Variants in TEP1 observed in about 807,000 individuals in gnomAD.
TEP1 encodes the protein telomerase protein component 1.
A neutral mutation model predicts 306.3 loss-of-function variants in TEP1; 241 were observed. That is an observed-to-expected ratio of 0.79 (90% CI 0.71 to 0.88). The LOEUF is 0.88. TEP1 is among the 40% of genes least tolerant of loss of function. TEP1 has a pLI of 0.00. For missense variants in TEP1, 3,051 were observed against 3,276.1 expected (o/e 0.93, Z 1.68); for synonymous variants, 1,289 against 1,305.5 (o/e 0.99, Z 0.27).
intron 13 of TEP1, among the ~76,000 whole-genome samples, chr14:20,391,340 ATT>A (rs1220036489): frequency 6.6e-6 from 1 of 152,184 alleles, no homozygotes; most frequent in Non-Finnish European, 1.5e-5. Flanking sequence ...AGTGAGACAT[ATT>A]TTGGTGATGC....
intron 16 of TEP1, 32 bp from the exon 17 acceptor site, chr14:20,389,329 A>G: frequency 6.2e-7 from 1 of 1,610,946 alleles, no homozygotes; most frequent in Non-Finnish European, 8.5e-7. Flanking sequence ...ATTAACCATC[A>G]CAAACAATAC....
intron 5 of TEP1, 62 bp from the exon 6 acceptor site, chr14:20,403,946 C>A (rs558681616): frequency 6.2e-7 from 1 of 1,606,678 alleles, no homozygotes; most frequent in East Asian, 2.2e-5. Context: ...CAAAACAAAA[C>A]GAGATCACTT....
intron 7 of TEP1, among the ~76,000 whole-genome samples, chr14:20,403,033 T>G (rs1283583268): frequency 3.9e-5 from 6 of 151,990 alleles, no homozygotes; most frequent in Non-Finnish European, 7.4e-5. Flanking sequence ...GGCACACGCC[T>G]GTAGTCCCAG....
chr14:20,407,224 T>C (rs1374579955), intron 2 of TEP1, among the ~76,000 whole-genome samples: 1 of 152,250 alleles, frequency 6.6e-6, no homozygotes, highest in African/African-American at 2.4e-5. Context: ...CTGATAGGGC[T>C]GTTGGAAAAT....
intron 44 of TEP1, among the ~76,000 whole-genome samples, chr14:20,374,021 C>G (rs1885025377): frequency 6.6e-6 from 1 of 152,046 alleles, no homozygotes; most frequent in South Asian, 2.1e-4. Flanking sequence ...ATGCTCTCCT[C>G]TCTCCCTTTA....
intron 41 of TEP1, 79 bp downstream of exon 41, chr14:20,377,201 G>A (rs1198769651): frequency 1.6e-6 from 2 of 1,218,066 alleles, no homozygotes; most frequent in South Asian, 1.6e-5. Flanking sequence ...GGCAACAAGA[G>A]TGAAGCTCTG....
chr14:20,388,425 T>C (rs1461462206), intron 17 of TEP1, among the ~76,000 whole-genome samples: 3 of 152,114 alleles, frequency 2.0e-5, no homozygotes, highest in African/African-American at 7.2e-5. Context: ...GGAATGTGCC[T>C]GAGGCTTTCT....
At position 20,378,612 on chromosome 14, in the gene TEP1, C is replaced by A. The variant is rs1231472427; in HGVS notation, c.5353-77G>T. 13 of 1,602,100 alleles carry A rather than the reference C, an allele frequency of 8.1e-6. No homozygotes were observed. In the East Asian group the frequency reaches 1.6e-4, roughly 19 times the overall value. On this transcript the variant is annotated intron_variant, in intron 37 of 54. Coordinates refer to ENST00000262715, the MANE Select transcript of TEP1 (RefSeq NM_007110.5). ...CTCAGTCCCAGACCTCCAGGAGCAA[C>A]CTTGTCCAGTTACCCTGCCCTCAGC...
chr14:20,392,069 T>C (rs915350343), intron 12 of TEP1, among the ~76,000 whole-genome samples: 8 of 152,236 alleles, frequency 5.3e-5, no homozygotes, highest in Non-Finnish European at 1.2e-4. Flanking sequence ...ATTCAATGGC[T>C]ACATAGTTTT....
intron 2 of TEP1, among the ~76,000 whole-genome samples, chr14:20,407,249 A>C (rs1223685106): frequency 3.9e-5 from 6 of 152,250 alleles, no homozygotes; most frequent in Non-Finnish European, 8.8e-5. Flanking sequence ...TAGCAGATGT[A>C]TCTCATGCCT....
At chr14:20,393,432 C>T (rs887890889) in intron 12 of TEP1, among the ~76,000 whole-genome samples, 1 of 152,128 alleles carries the variant, frequency 6.6e-6, no homozygotes, top group Admixed American at 6.5e-5. Flanking sequence ...AAATTATACA[C>T]ATATAATTTT....
chr14:20,390,829 T>C, intron 14 of TEP1, 71 bp from the exon 15 acceptor site: 1 of 1,613,218 alleles, frequency 6.2e-7, no homozygotes. Flanking sequence ...GCAGTCTGCT[T>C]GGGAAATCTT....
At position 20,381,871 on chromosome 14, in the gene TEP1, G is replaced by A; in HGVS notation, c.4424+42C>T. On this transcript the variant is annotated intron_variant, in intron 30 of 54. Coordinates refer to ENST00000262715, the MANE Select transcript of TEP1 (RefSeq NM_007110.5). The surrounding 1 kb of genome is among the most constrained non-coding windows in gnomAD (Gnocchi z 4.0). ...GAGGGCCCCGGCTCAAAGAAGGGAAGGCACAGAGAGGTCAGCGGGAGCTCT... is the reference window on the plus strand; with the variant it reads ...GAGGGCCCCGGCTCAAAGAAGGGAAAGCACAGAGAGGTCAGCGGGAGCTCT... 1 of 1,606,286 alleles carries A rather than the reference G, an allele frequency of 6.2e-7. No homozygotes were observed.
rs540082135 is a variant in TEP1 at position 20,395,519 on chromosome 14, C to T, written c.1859G>A (p.Arg620Gln). ...CAACACAGGTATCCTCATTGCCATC[C>T]GAAGCTGCTGACGGCTTAGGTGGCA... Reference protein sequence around the residue: ...FLCHLSRQQLRMAMRIPVLYE... With the variant: ...FLCHLSRQQLQMAMRIPVLYE... Residue 620 changes from arginine (R) to glutamine (Q), a missense_variant, in exon 12 of 55, where the codon CGG becomes CAG. By Grantham distance (43) the Arg-to-Gln change is conservative. Coordinates refer to ENST00000262715, the MANE Select transcript of TEP1 (RefSeq NM_007110.5). The T allele has an allele frequency of 2.7e-5, 43 of 1,613,850 alleles. 1 individual carries two copies. Among genetic ancestry groups the T allele is most frequent in the South Asian group, 1.9e-4 (17 of 91,080 alleles).
rs141318575 is a variant in TEP1 at position 20,381,385 on chromosome 14, T to C, written c.4575A>G (p.Thr1525=). 2 of 1,614,122 alleles carry C rather than the reference T, an allele frequency of 1.2e-6. No homozygotes were observed. The highest frequency in any genetic ancestry group is 1.3e-5 in the African/African-American group (1 of 75,060). ...AGGTGCCTGAGGCATCAGCGTCACA[T>C]GTCTTCCAGAGCTGAGCTGCATGAA... ...HILIAAQLWK[T]CDADASGTFR... The change falls in exon 32 of 55, where the codon ACA becomes ACG. Residue 1525 remains threonine, a synonymous_variant. Coordinates refer to ENST00000262715, the MANE Select transcript of TEP1 (RefSeq NM_007110.5). This position sits in a 1 kb window ranked among gnomAD's most constrained non-coding sequence, Gnocchi z 4.0.
intron 12 of TEP1, among the ~76,000 whole-genome samples, chr14:20,392,360 G>A (rs1027585000): frequency 2.6e-5 from 4 of 152,234 alleles, no homozygotes; most frequent in Non-Finnish European, 5.9e-5. Context: ...TTACTACCTA[G>A]AAGTGCTGAT....
In TEP1 at chr14:20,406,309, TC is replaced by T; in HGVS notation, c.658del (p.Asp220IlefsTer4). 1 of 1,614,066 alleles carries T rather than the reference TC, an allele frequency of 6.2e-7. No individual in the cohort carries two copies. Among genetic ancestry groups the T allele is most frequent in the Non-Finnish European group, 8.5e-7 (1 of 1,180,012 alleles). ...LSLGEEEEVE[D>X]LAVKLTSGDS... ...TCCAGAGGTGAGCTTCACGGCCAGA[TC>T]CTCCACCTCCTCCTCCTCTCCCAAG... On this transcript the variant is annotated frameshift_variant, in exon 3 of 55. Coordinates refer to ENST00000262715, the MANE Select transcript of TEP1 (RefSeq NM_007110.5). LOFTEE classifies it high-confidence loss of function.
Position 20,373,101 on chromosome 14 carries a change from AG to A in TEP1, c.6860del (p.Ala2287ValfsTer18), listed in dbSNP as rs753692359. 12 of 1,614,220 alleles carry A rather than the reference AG, an allele frequency of 7.4e-6. No homozygotes were observed. The highest frequency in any genetic ancestry group is 1.0e-5 in the Non-Finnish European group (12 of 1,180,036). ...PRSSAAVTAV[A>X]WAPDGSMAVS... ...CTGCCATGGAACCATCTGGTGCCCAAGCCACAGCAGTGACGGCTGCAGAACT... is the reference window on the plus strand; with the variant it reads ...CTGCCATGGAACCATCTGGTGCCCAACCACAGCAGTGACGGCTGCAGAACT... On this transcript the variant is annotated frameshift_variant, in exon 48 of 55. Coordinates refer to ENST00000262715, the MANE Select transcript of TEP1 (RefSeq NM_007110.5). LOFTEE classifies it high-confidence loss of function.
chr14:20,402,171 G>T (rs1394146339), intron 7 of TEP1, among the ~76,000 whole-genome samples: 1 of 152,120 alleles, frequency 6.6e-6, no homozygotes, highest in African/African-American at 2.4e-5. Context: ...AGCTGGGCAT[G>T]GTGGTGGATG....
Sources: gnomAD v4.1 joint callset for allele counts (sites outside exome capture counted in the v4.1 genomes callset) on GRCh38, gnomAD v4.1.1 for gene constraint, Gnocchi (gnomAD v3.1) non-coding constraint, MANE v1.5 for transcripts, NCBI Gene and HGNC (gene_info 2026-07-23, HGNC 2026-07-21) for gene names.